Variants in PDE9A observed in about 807,000 individuals in gnomAD.
The protein encoded by PDE9A is high affinity cGMP-specific 3',5'-cyclic phosphodiesterase 9A.
A neutral mutation model predicts 87.4 loss-of-function variants in PDE9A; 60 were observed. That is an observed-to-expected ratio of 0.69 (90% CI 0.56 to 0.85). The LOEUF is 0.85. PDE9A is among the 40% of genes least tolerant of loss of function. PDE9A has a pLI of 0.00. For missense variants in PDE9A, 665 were observed against 779.0 expected (o/e 0.85, Z 1.74); for synonymous variants, 272 against 279.4 (o/e 0.97, Z 0.27).
intron 4 of PDE9A, among the ~76,000 whole-genome samples, chr21:42,708,489 G>C (rs994642307): frequency 6.6e-6 from 1 of 152,210 alleles, no homozygotes; most frequent in Non-Finnish European, 1.5e-5. Context: ...ACCCACTGCT[G>C]TGTCCTGCCT....
At position 42,769,034 on chromosome 21, in the gene PDE9A, G is replaced by C; in HGVS notation, c.1469G>C (p.Arg490Pro). The change falls in exon 17 of 20, where the codon CGT (arginine) becomes CCT (proline). Residue 490 changes from arginine (R) to proline (P), a missense_variant. Physicochemically the swap from Arg to Pro is moderately radical, Grantham distance 103 (BLOSUM62 -2). Coordinates refer to ENST00000291539, the MANE Select transcript of PDE9A (RefSeq NM_002606.3). Reference sequence around the variant, plus strand: ...CTGCTGCATTCCCTGCAGAGCGACCGTGAGAAGTCAGAAGGCCTTCCTGTG... The same window carrying C: ...CTGCTGCATTCCCTGCAGAGCGACCCTGAGAAGTCAGAAGGCCTTCCTGTG... ...LLEEYFMQSD[R>P]EKSEGLPVAP... 6.2e-7 allele frequency: 1 copy of C among 1,611,936 alleles called. No individual in the cohort carries two copies. The highest frequency in any genetic ancestry group is 8.5e-7 in the Non-Finnish European group (1 of 1,178,464).
intron 4 of PDE9A, among the ~76,000 whole-genome samples, chr21:42,699,264 G>T (rs890282402): frequency 2.0e-5 from 3 of 152,182 alleles, no homozygotes; most frequent in Non-Finnish European, 2.9e-5. Flanking sequence ...AATAGCATCT[G>T]CCTGGGGTTA....
rs58515760 is a variant in PDE9A, at chr21:42,727,489, ATTTTTTTT to A, written c.263-4264_263-4257del. ...CAGGCACATGCCACCACGCCTGGCT[ATTTTTTTT>A]TTTTTTTTTTTTTTTTGTAGAGATG... On this transcript the variant is annotated intron_variant, in intron 4 of 19. Coordinates refer to ENST00000291539, the MANE Select transcript of PDE9A (RefSeq NM_002606.3). Among the ~76,000 whole-genome samples, 219 of 88,324 alleles carry A rather than the reference ATTTTTTTT, an allele frequency of 2.5e-3. 2 individuals carry two copies. Among genetic ancestry groups the A allele is most frequent in the African/African-American group, 0.011 (207 of 19,708 alleles). 57.9% of individuals were successfully genotyped at this position (88,324 alleles called of 152,430 possible).
rs200657960 is a variant in PDE9A at position 42,760,471 on chromosome 21, G to A, written c.1002+39G>A. ...GCTGCACACCCAGACCTCTACTCTC[G>A]GGGGTCAGACGGAGGCCCCCTTCCA... On this transcript the variant is annotated intron_variant, in intron 12 of 19. Transcript: ENST00000291539. The surrounding 1 kb of genome is among the most constrained non-coding windows in gnomAD (Gnocchi z 5.2). The A allele has an allele frequency of 1.5e-5, 19 of 1,281,242 alleles. No individual in the cohort carries two copies. Among genetic ancestry groups the A allele is most frequent in the East Asian group, 1.2e-4 (5 of 42,512 alleles). 79.4% of individuals were successfully genotyped at this position (1,281,242 alleles called of 1,614,324 possible).
At position 42,694,953 on chromosome 21, in the gene PDE9A, C is replaced by T. The variant is rs1040729726; in HGVS notation, c.219-4015C>T. On this transcript the variant is annotated intron_variant, in intron 3 of 19. Coordinates refer to ENST00000291539, the MANE Select transcript of PDE9A (RefSeq NM_002606.3). This position sits in a 1 kb window ranked among gnomAD's most constrained non-coding sequence, Gnocchi z 5.3. ...CACTCCCCTTCTGCAAACCTCCAAG[C>T]ACATTCCCCCTCTGCACACTGCCAA... Among the ~76,000 whole-genome samples, 2 of 152,220 alleles carry T rather than the reference C, an allele frequency of 1.3e-5. No homozygotes were observed. The highest frequency in any genetic ancestry group is 2.4e-5 in the African/African-American group (1 of 41,452).
intron 1 of PDE9A, among the ~76,000 whole-genome samples, chr21:42,680,732 C>G (rs898082078): frequency 6.6e-6 from 1 of 152,220 alleles, no homozygotes; most frequent in African/African-American, 2.4e-5. Context: ...AGCAGCAGGA[C>G]TGTCTTGCTG....
At chr21:42,687,830 C>T in intron 2 of PDE9A, 87 bp from the exon 3 acceptor site, 2 of 1,179,994 alleles carry the variant, frequency 1.7e-6, no homozygotes, top group Non-Finnish European at 2.5e-6. Context: ...TCCTGGTTGT[C>T]TCAGGGCTCT....
intron 4 of PDE9A, among the ~76,000 whole-genome samples, chr21:42,706,926 A>G (rs1268743222): frequency 6.6e-6 from 1 of 152,048 alleles, no homozygotes; most frequent in Non-Finnish European, 1.5e-5. Context: ...GGCATATGAC[A>G]GCTCTTTGTT....
chr21:42,766,331 CAGAGAG>C (rs374484809), intron 15 of PDE9A, among the ~76,000 whole-genome samples: 1 of 151,332 alleles, frequency 6.6e-6, no homozygotes, highest in Non-Finnish European at 1.5e-5. Context: ...TCTCAGATAA[CAGAGAG>C]AGAGAGAGGT....
intron 4 of PDE9A, among the ~76,000 whole-genome samples, chr21:42,727,487 C>CTTTTTT (rs778143956): frequency 2.8e-5 from 2 of 71,992 alleles, no homozygotes; most frequent in Admixed American, 1.3e-4. Flanking sequence ...CCACGCCTGG[C>CTTTTTT]TATTTTTTTT....
chr21:42,662,823 ACG>A (rs1289761238), intron 1 of PDE9A, among the ~76,000 whole-genome samples: 2 of 135,260 alleles, frequency 1.5e-5, no homozygotes, highest in African/African-American at 6.0e-5. Context: ...ACGCACACAC[ACG>A]CACACACCCA....
At chr21:42,748,630 A>G (rs1264369171) in intron 8 of PDE9A, among the ~76,000 whole-genome samples, 2 of 152,224 alleles carry the variant, frequency 1.3e-5, no homozygotes, top group Non-Finnish European at 2.9e-5. Flanking sequence ...ACAGCCGGCA[A>G]TGTCCCCCCA....
chr21:42,754,409 A>C (rs907026204), intron 10 of PDE9A, among the ~76,000 whole-genome samples: 64 of 152,258 alleles, frequency 4.2e-4, no homozygotes, highest in African/African-American at 1.5e-3. Context: ...CGTGCTGCAG[A>C]ACACCCCTGC....
intron 1 of PDE9A, among the ~76,000 whole-genome samples, chr21:42,662,592 C>A (rs1179733015): frequency 6.8e-6 from 1 of 147,502 alleles, no homozygotes; most frequent in Non-Finnish European, 1.5e-5. Context: ...AGCACACGCA[C>A]ATCATACACA....
chr21:42,697,092 G>A (rs548113528), intron 3 of PDE9A, among the ~76,000 whole-genome samples: 5 of 152,172 alleles, frequency 3.3e-5, no homozygotes, highest in Non-Finnish European at 5.9e-5. Context: ...TTGACATTCT[G>A]TGTGAGTGAG....
intron 4 of PDE9A, among the ~76,000 whole-genome samples, chr21:42,721,534 G>A (rs1309829218): frequency 6.6e-5 from 10 of 152,204 alleles, no homozygotes; most frequent in Non-Finnish European, 1.5e-4. Context: ...ACTTTATTGT[G>A]TTCCTGGGCT....
intron 3 of PDE9A, chr21:42,697,393 T>C: frequency 6.5e-7 from 1 of 1,536,624 alleles, no homozygotes; most frequent in South Asian, 1.1e-5. Context: ...CCCCTCCATA[T>C]TCACTGTGTT....
intron 4 of PDE9A, among the ~76,000 whole-genome samples, chr21:42,703,683 G>A (rs1289177964): frequency 1.3e-5 from 2 of 152,256 alleles, no homozygotes; most frequent in Non-Finnish European, 2.9e-5. Context: ...TCCTAAGGCC[G>A]GAGCTGCTCC....
At chr21:42,724,738 C>T (rs534796736) in intron 4 of PDE9A, 18 of 295,646 alleles carry the variant, frequency 6.1e-5, no homozygotes, top group African/African-American at 3.8e-4. Flanking sequence ...GCCTGGGTGG[C>T]GCATTGGCCG....
Sources: allele counts gnomAD v4.1 joint callset (sites outside exome capture counted in the v4.1 genomes callset), GRCh38; gene constraint gnomAD v4.1.1; non-coding constraint Gnocchi (gnomAD v3.1); transcripts MANE v1.5; gene names NCBI Gene and HGNC (gene_info 2026-07-23, HGNC 2026-07-21).